Variants in EYS observed in about 807,000 individuals in gnomAD.
EYS encodes the protein protein eyes shut homolog.
A neutral mutation model predicts 282.1 loss-of-function variants in EYS; 250 were observed. That is an observed-to-expected ratio of 0.89 (90% confidence interval 0.80 to 0.98). EYS has a LOEUF of 0.98. Among genes scored for constraint, EYS ranks in the 50% least tolerant of loss-of-function variants. The pLI is 0.00. For synonymous variants in EYS, 1,355 were observed against 1,282.9 expected, an observed-to-expected ratio of 1.06 and a Z score of -1.20; for missense variants, 4,016 against 3,709.0, an observed-to-expected ratio of 1.08 and a Z score of -2.15.
intron 33 of EYS, among the ~76,000 whole-genome samples, chr6:64,034,576 A>G (rs1770020153): frequency 6.6e-6 from 1 of 152,220 alleles, no homozygotes; most frequent in Non-Finnish European, 1.5e-5. Context: ...AACAGTTCTC[A>G]GGTCATAACC....
chr6:64,917,812 AT>A (rs1562258260), intron 15 of EYS, among the ~76,000 whole-genome samples: 1 of 152,174 alleles, frequency 6.6e-6, no homozygotes, highest in Non-Finnish European at 1.5e-5. Context: ...AATATACACA[AT>A]TTTTATGTGT....
intron 6 of EYS, among the ~76,000 whole-genome samples, chr6:65,404,243 T>G (rs1419972834): frequency 1.3e-5 from 2 of 152,014 alleles, no homozygotes; most frequent in African/African-American, 2.4e-5. Context: ...CTCTTCCACT[T>G]TAAAGGACCC....
chr6:63,771,044 AG>A (rs1240577508), intron 40 of EYS, among the ~76,000 whole-genome samples: 10 of 152,158 alleles, frequency 6.6e-5, no homozygotes, highest in Non-Finnish European at 1.5e-5. Flanking sequence ...AGTTGTCTGT[AG>A]GCCTTATTTT....
At chr6:63,929,177 A>G (rs1431605483) in intron 35 of EYS, among the ~76,000 whole-genome samples, 1 of 152,236 alleles carries the variant, frequency 6.6e-6, no homozygotes, top group East Asian at 1.9e-4. Context: ...AGATGAAGTG[A>G]ACTGTTTCTA....
rs70999172 is a variant in EYS at position 64,766,649 on chromosome 6, AATATATATATAT to A, written c.3443+46717_3443+46728del. On this transcript the variant is annotated intron_variant, in intron 22 of 42. Coordinates refer to ENST00000503581, the MANE Select transcript of EYS (RefSeq NM_001142800.2). ...TCCGTCTCAAAAAAAAAAAAAAAAA[AATATATATATAT>A]ATATATATATATATATATATATAAA... is the stretch of plus-strand genomic sequence containing the variant. 7.9e-3 allele frequency among the ~76,000 whole-genome samples: 150 copies of A among 19,046 alleles called. 3 individuals are homozygous for A. Among genetic ancestry groups the A allele is most frequent in the African/African-American group, 0.022 (122 of 5,486 alleles). The allele number at this position is 19,046 out of a possible 152,430, so 12.5% of individuals were successfully genotyped here. A position where few individuals can be genotyped will look rare whatever the true frequency, so the allele number is the denominator to read the frequency against.
In EYS at chr6:65,181,501, T is replaced by C. The variant is rs12215638; in HGVS notation, c.2023+114362A>G. The stretch of plus-strand genomic sequence containing the variant: ...ATCAGGGAAATGCAAATCAAAACCA[T>C]AATGAGATATCATCTCACACCAGTT... On this transcript the variant is annotated intron_variant, in intron 12 of 42. Transcript: ENST00000503581. Among the ~76,000 whole-genome samples, 286 of 151,946 alleles carry C rather than the reference T, an allele frequency of 1.9e-3. 1 individual carries two copies. Among genetic ancestry groups the C allele is most frequent in the African/African-American group, 5.1e-3 (211 of 41,462 alleles).
chr6:63,982,364 G>T (rs957889650), intron 35 of EYS, among the ~76,000 whole-genome samples: 2 of 151,826 alleles, frequency 1.3e-5, no homozygotes, highest in Admixed American at 6.6e-5. Flanking sequence ...TATGGGATAG[G>T]TTGGGGGTCT....
chr6:63,839,273 C>G (rs1297138986), intron 36 of EYS, among the ~76,000 whole-genome samples: 1 of 152,132 alleles, frequency 6.6e-6, no homozygotes, highest in East Asian at 1.9e-4. Context: ...TTTATGAGAT[C>G]AGCTATTTTA....
chr6:65,419,625 A>C (rs1767376141), intron 5 of EYS, among the ~76,000 whole-genome samples: 1 of 151,990 alleles, frequency 6.6e-6, no homozygotes, highest in Non-Finnish European at 1.5e-5. Flanking sequence ...TTAAAAAATA[A>C]AGCAAGTAAT....
chr6:64,120,490 T>C (rs1773550583), intron 31 of EYS, among the ~76,000 whole-genome samples: 1 of 151,890 alleles, frequency 6.6e-6, no homozygotes, highest in Admixed American at 6.5e-5. Flanking sequence ...AATCTTCCTG[T>C]AGTTAAATTT....
intron 35 of EYS, among the ~76,000 whole-genome samples, chr6:63,964,070 T>A (rs911336797): frequency 6.6e-6 from 1 of 152,234 alleles, no homozygotes; most frequent in Non-Finnish European, 1.5e-5. Flanking sequence ...TGGGCCAGTA[T>A]AAAGAACAGT....
At chr6:65,485,110 A>G (rs1765741527) in intron 5 of EYS, among the ~76,000 whole-genome samples, 1 of 152,208 alleles carries the variant, frequency 6.6e-6, no homozygotes, top group South Asian at 2.1e-4. Flanking sequence ...TTACTTTTTA[A>G]TAAAACTATG....
At chr6:65,092,141 A>G (rs1017939538) in intron 12 of EYS, among the ~76,000 whole-genome samples, 5 of 152,150 alleles carry the variant, frequency 3.3e-5, no homozygotes, top group Non-Finnish European at 5.9e-5. Flanking sequence ...AGAAAAATAA[A>G]AGATAATTTT....
At chr6:65,121,859 T>C (rs1425674252) in intron 12 of EYS, among the ~76,000 whole-genome samples, 1 of 152,156 alleles carries the variant, frequency 6.6e-6, no homozygotes, top group Non-Finnish European at 1.5e-5. Context: ...TTATTTTCAT[T>C]TTCTGCTTAG....
At chr6:64,211,577 T>A (rs958264898) in intron 31 of EYS, among the ~76,000 whole-genome samples, 68 of 138,246 alleles carry the variant, frequency 4.9e-4, no homozygotes, top group Non-Finnish European at 6.9e-4. Flanking sequence ...ATATATATTT[T>A]TTTTCATATA....
intron 1 of EYS, among the ~76,000 whole-genome samples, chr6:65,681,846 TA>T (rs1233469254): frequency 2.0e-5 from 3 of 151,918 alleles, no homozygotes. Context: ...ATATTTGTCT[TA>T]AGAACTTGAG....
At chr6:64,806,436 A>T (rs759264496) in intron 22 of EYS, among the ~76,000 whole-genome samples, 1 of 151,724 alleles carries the variant, frequency 6.6e-6, no homozygotes, top group East Asian at 1.9e-4. Flanking sequence ...TATCTCAAAT[A>T]TTTTTTTTAA....
intron 31 of EYS, among the ~76,000 whole-genome samples, chr6:64,135,684 T>C (rs1774137019): frequency 6.6e-6 from 1 of 152,142 alleles, no homozygotes; most frequent in Non-Finnish European, 1.5e-5. Context: ...GGTTTTCCAG[T>C]GTATATAAAA....
At chr6:64,483,464 A>T (rs9451737) in intron 26 of EYS, among the ~76,000 whole-genome samples, 3,250 of 151,828 alleles carry the variant, frequency 0.021, 60 homozygotes, top group African/African-American at 0.053. Context: ...ATTCTTCCTT[A>T]GCTCAAGCTT....
Sources: gnomAD v4.1 joint callset for allele counts (sites outside exome capture counted in the v4.1 genomes callset) on GRCh38, gnomAD v4.1.1 for gene constraint, MANE v1.5 for transcripts, NCBI Gene and HGNC (gene_info 2026-07-23, HGNC 2026-07-21) for gene names.